CEP192: variants seen among roughly 807,000 people sequenced by gnomAD.
CEP192 encodes centrosomal protein 192.
CEP192 carries 151 observed loss-of-function variants against 271.8 expected under a neutral mutation model. The observed-to-expected ratio is 0.56, with a 90% CI of 0.49 to 0.64. CEP192 has a LOEUF of 0.64. Ranked by LOEUF, CEP192 falls within the 30% of genes least tolerant of loss-of-function variation. The pLI, the probability that CEP192 is intolerant of heterozygous loss-of-function variation, is 0.00. For missense variants in CEP192, 2,910 were observed against 3,020.5 expected, an observed-to-expected ratio of 0.96 and a Z score of 0.86; for synonymous variants, 995 against 1,076.5, an observed-to-expected ratio of 0.92 and a Z score of 1.48.
At position 13,001,488 on chromosome 18, in the gene CEP192, G is replaced by A. The variant is rs1362967186; in HGVS notation, c.196G>A (p.Glu66Lys). 1.9e-6 allele frequency: 3 copies of A among 1,549,356 alleles called. No individual in the cohort carries two copies. The highest frequency in any genetic ancestry group is 2.6e-6 in the Non-Finnish European group (3 of 1,145,362). ...TGATATCCAGGCATCTTACTTAGTA[G>A]AAGGGAGATTTTCAGTTCCATCCGG... ...YPDIQASYLV[E>K]GRFSVPSGSS... is the part of the protein sequence containing the mutation. The change falls in exon 3 of 45, where the codon GAA (glutamate) becomes AAA (lysine). Residue 66 changes from glutamate (E) to lysine (K), a missense_variant. By Grantham distance (56) the Glu-to-Lys change is moderately conservative. Coordinates refer to ENST00000506447, the MANE Select transcript of CEP192 (RefSeq NM_032142.4).
In CEP192 at chr18:13,099,538, C is replaced by T. The variant is rs773790465; in HGVS notation, c.6620C>T (p.Pro2207Leu). 172 of 1,604,332 alleles carry T rather than the reference C, an allele frequency of 1.1e-4. No individual in the cohort carries two copies. The highest frequency in any genetic ancestry group is 2.0e-4 in the East Asian group (9 of 44,788). ...SSLSTKQSMF[P>L]WSGLIYIHCD... ...TTATCCACAAAACAGTCAATGTTCCCGTGGAGTGGTTTGATCTATATACAC... is the reference window on the plus strand; with the variant it reads ...TTATCCACAAAACAGTCAATGTTCCTGTGGAGTGGTTTGATCTATATACAC... The change falls in exon 37 of 45, where the codon CCG (proline) becomes CTG (leucine). Residue 2207 changes from proline (P) to leucine (L), a missense_variant. Pro to Leu is a moderately conservative substitution (Grantham distance 98). Transcript: ENST00000506447.
chr18:13,051,240 T>C (rs1356501927), intron 17 of CEP192, among the ~76,000 whole-genome samples: 2 of 152,216 alleles, frequency 1.3e-5, no homozygotes, highest in Admixed American at 1.3e-4. Context: ...AGTTCAGTTT[T>C]CATTATTTGA....
rs2035532086 is a variant in CEP192 at position 13,030,103 on chromosome 18, A to G, written c.1390+101A>G. The G allele has an allele frequency of 3.0e-6, 3 of 1,003,330 alleles. No individual in the cohort carries two copies. The South Asian group carries it at 5.3e-5, about 18-fold the overall frequency. The allele number at this position is 1,003,330 out of a possible 1,614,324, so 62.2% of individuals were successfully genotyped here. Reference sequence around the variant, plus strand: ...AAATGTGCCAGTCTTTCCTGTTGAAATATTTTAGTGTTTTATAGTTTAAAC... The same window carrying G: ...AAATGTGCCAGTCTTTCCTGTTGAAGTATTTTAGTGTTTTATAGTTTAAAC... On this transcript the variant is annotated intron_variant, in intron 10 of 44. Transcript: ENST00000506447.
At position 13,042,307 on chromosome 18, in the gene CEP192, G is replaced by A. The variant is rs569269492; in HGVS notation, c.2040G>A (p.Thr680=). 6.8e-6 allele frequency: 11 copies of A among 1,613,952 alleles called. No individual in the cohort carries two copies. The highest frequency in any genetic ancestry group is 4.4e-5 in the South Asian group (4 of 91,076). ...STSQVDENDV[T]LTADKGKTED... ...CACAAGTGGATGAAAATGATGTGACGTTAACGGCTGATAAAGGCAAAACAG... is the reference window on the plus strand; with the variant it reads ...CACAAGTGGATGAAAATGATGTGACATTAACGGCTGATAAAGGCAAAACAG... Residue 680 remains threonine (T), a synonymous_variant, in exon 15 of 45, where the codon ACG becomes ACA. Coordinates refer to ENST00000506447, the MANE Select transcript of CEP192 (RefSeq NM_032142.4).
chr18:13,099,590 A>T lies in CEP192; in HGVS notation c.6663+9A>T, dbSNP rs2039610931. Reference sequence around the variant, plus strand: ...GTGACGATGGACAGAAGGTACTTTTAAAAGTGGTTTGGTTTTTTTTTTGAG... The same window carrying T: ...GTGACGATGGACAGAAGGTACTTTTTAAAGTGGTTTGGTTTTTTTTTTGAG... On this transcript the variant is annotated intron_variant, in intron 37 of 44. Transcript: ENST00000506447. 1.4e-6 allele frequency: 2 copies of T among 1,471,208 alleles called. No homozygotes were observed. The highest frequency in any genetic ancestry group is 2.3e-5 in the East Asian group (1 of 43,232). The allele number at this position is 1,471,208 out of a possible 1,614,324, so 91.1% of individuals were successfully genotyped here.
At chr18:13,008,773 A>G in intron 4 of CEP192, 142 bp downstream of exon 4, 2 of 612,970 alleles carry the variant, frequency 3.3e-6, no homozygotes, top group Non-Finnish European at 2.8e-6. Flanking sequence ...GCGTGATCAC[A>G]GCTCACTGCA....
intron 5 of CEP192, among the ~76,000 whole-genome samples, chr18:13,014,429 A>G (rs1568280475): frequency 6.6e-6 from 1 of 152,094 alleles, no homozygotes; most frequent in Non-Finnish European, 1.5e-5. Flanking sequence ...GAATGGAGAC[A>G]TTTTCCAGGG....
intron 15 of CEP192, among the ~76,000 whole-genome samples, chr18:13,046,934 G>A (rs1353947915): frequency 7.0e-6 from 1 of 143,488 alleles, no homozygotes; most frequent in Non-Finnish European, 1.5e-5. Context: ...ATTTTTGCTT[G>A]CTATAGAATT....
chr18:13,064,115 G>A (rs964087333), intron 21 of CEP192, among the ~76,000 whole-genome samples: 5 of 151,902 alleles, frequency 3.3e-5, no homozygotes, highest in Non-Finnish European at 7.4e-5. Context: ...CACTGTGCCT[G>A]GCCCCAGTGT....
intron 44 of CEP192, among the ~76,000 whole-genome samples, chr18:13,124,296 C>T (rs1021564579): frequency 4.6e-5 from 7 of 152,042 alleles, no homozygotes; most frequent in South Asian, 2.1e-4. Context: ...AGGGTGTTCC[C>T]GAACCCTTTC....
At chr18:13,030,077 G>A in intron 10 of CEP192, 75 bp downstream of exon 10, 1 of 1,143,138 alleles carries the variant, frequency 8.7e-7, no homozygotes, top group Admixed American at 2.7e-5. Context: ...ATTTTCATGT[G>A]AAATGTGCCA....
chr18:13,001,500 T>C lies in CEP192; in HGVS notation c.208T>C (p.Ser70Pro). The C allele has an allele frequency of 6.4e-7, 1 of 1,550,422 alleles. No individual in the cohort carries two copies. The highest frequency in any genetic ancestry group is 8.7e-7 in the Non-Finnish European group (1 of 1,146,002). ...ATCTTACTTAGTAGAAGGGAGATTTTCAGTTCCATCCGGGTCATCTCCCGG... is the reference window on the plus strand; with the variant it reads ...ATCTTACTTAGTAGAAGGGAGATTTCCAGTTCCATCCGGGTCATCTCCCGG... The part of the protein sequence containing the change: ...QASYLVEGRF[S>P]VPSGSSPGSQ... The change falls in exon 3 of 45, where the codon TCA becomes CCA. Residue 70 changes from serine (S) to proline (P), a missense_variant. Transcript: ENST00000506447.
chr18:13,041,678 C>T (rs1233550146), intron 14 of CEP192, among the ~76,000 whole-genome samples: 1 of 151,790 alleles, frequency 6.6e-6, no homozygotes, highest in Non-Finnish European at 1.5e-5. Flanking sequence ...GATTCTCCCA[C>T]CTCAGCCTCC....
chr18:13,124,743 A>G lies in CEP192; in HGVS notation c.7587A>G (p.Leu2529=). 2 of 1,610,928 alleles carry G rather than the reference A, an allele frequency of 1.2e-6. No individual in the cohort carries two copies. ...TDEGKSIAIR[L]IGEALGKN is the part of the protein sequence containing the mutation. ...AAGGCAAGAGTATTGCTATTCGACT[A>G]ATTGGTGAAGCTCTTGGAAAAAATT... The change falls in exon 45 of 45, where the codon CTA becomes CTG. Residue 2529 remains leucine, a synonymous_variant. Transcript: ENST00000506447.
At chr18:13,070,575 C>T (rs908343587) in intron 27 of CEP192, among the ~76,000 whole-genome samples, 6 of 152,240 alleles carry the variant, frequency 3.9e-5, no homozygotes, top group Admixed American at 6.5e-5. Flanking sequence ...GTCGTGAGTA[C>T]TGAGCTTGCT....
At chr18:13,024,592 A>G (rs2035185328) in intron 9 of CEP192, among the ~76,000 whole-genome samples, 1 of 152,020 alleles carries the variant, frequency 6.6e-6, no homozygotes, top group South Asian at 2.1e-4. Context: ...CCTCCCGAGT[A>G]GCTAGAATTA....
rs1345909755 is a variant in CEP192, at chr18:13,017,195, T to C, written c.648T>C (p.Asp216=). 6.5e-7 allele frequency: 1 copy of C among 1,542,856 alleles called. No individual in the cohort carries two copies. Among genetic ancestry groups the C allele is most frequent in the African/African-American group, 1.4e-5 (1 of 72,560 alleles). Reference sequence around the variant, plus strand: ...TCTCGATTTTATCAATAGATGATGATATTGATGATGAAATGTTTTATGATG... The same window carrying C: ...TCTCGATTTTATCAATAGATGATGACATTGATGATGAAATGTTTTATGATG... ...PTSLEDSSDD[D]IDDEMFYDDH... Residue 216 remains aspartate (D), a synonymous_variant, in exon 7 of 45, where the codon GAT becomes GAC. Transcript: ENST00000506447.
intron 9 of CEP192, among the ~76,000 whole-genome samples, chr18:13,020,087 A>G (rs140896599): frequency 7.0e-4 from 106 of 152,336 alleles, no homozygotes; most frequent in Admixed American, 3.0e-3. Context: ...CTGGGATTAC[A>G]GGAGTGAGCC....
intron 21 of CEP192, among the ~76,000 whole-genome samples, chr18:13,059,789 T>G (rs1044551204): frequency 2.0e-5 from 3 of 152,150 alleles, no homozygotes; most frequent in African/African-American, 7.2e-5. Context: ...CACATTGGAA[T>G]AACACTGGGG....
Sources: gnomAD v4.1 joint callset for allele counts (sites outside exome capture counted in the v4.1 genomes callset) on GRCh38, gnomAD v4.1.1 for gene constraint, MANE v1.5 for transcripts, NCBI Gene and HGNC (gene_info 2026-07-23, HGNC 2026-07-21) for gene names.